The following ABTB2 variants were observed in gnomAD, a reference collection of about 807,000 sequenced individuals.
ABTB2 encodes the protein ankyrin repeat and BTB domain containing 2.
A neutral mutation model predicts 104.1 loss-of-function variants in ABTB2; 56 were observed. The ratio of observed to expected loss-of-function variants is 0.54; its 90% CI spans 0.43 to 0.67. The LOEUF (loss-of-function observed/expected upper bound fraction) is 0.67, where lower values mean the gene tolerates loss of function less well. Among genes scored for constraint, ABTB2 ranks in the 30% least tolerant of loss-of-function variants. ABTB2 has a pLI of 0.00. For missense variants in ABTB2, 1,279 were observed against 1,407.7 expected (o/e 0.91, Z 1.46); for synonymous variants, 606 against 608.2 (o/e 1.00, Z 0.05).
intron 1 of ABTB2, among the ~76,000 whole-genome samples, chr11:34,298,279 T>C (rs760558773): frequency 1.3e-5 from 2 of 151,974 alleles, no homozygotes; most frequent in South Asian, 2.1e-4. Context: ...CCACATTTCA[T>C]TGCCAATTAC....
intron 11 of ABTB2, among the ~76,000 whole-genome samples, chr11:34,160,672 T>C (rs1852701148): frequency 1.5e-5 from 1 of 67,964 alleles, no homozygotes; most frequent in Non-Finnish European, 2.6e-5. Context: ...CGCGCGCGTG[T>C]GTGTGTGTAT....
In ABTB2 at chr11:34,357,878, G is replaced by C. The variant is rs1423546082; in HGVS notation, c.-295C>G. 1 of 367,916 alleles carries C rather than the reference G, an allele frequency of 2.7e-6. No homozygotes were observed. Among genetic ancestry groups the C allele is most frequent in the Non-Finnish European group, 4.9e-6 (1 of 204,044 alleles). 22.8% of individuals were successfully genotyped at this position (367,916 alleles called of 1,614,324 possible). ...CACCTCTAATTCCCACAAGCAGAGAGTCAGTCCTCCACAGAGAAGGAATCC... is the reference window on the plus strand; with the variant it reads ...CACCTCTAATTCCCACAAGCAGAGACTCAGTCCTCCACAGAGAAGGAATCC... On this transcript the variant is annotated 5_prime_UTR_variant, in exon 1 of 17. Transcript: ENST00000435224.
chr11:34,208,172 TC>T (rs1417116045), intron 1 of ABTB2, among the ~76,000 whole-genome samples: 1 of 152,186 alleles, frequency 6.6e-6, no homozygotes, highest in African/African-American at 2.4e-5. Flanking sequence ...CTCGATGTGT[TC>T]CTTTCCCCAC....
chr11:34,214,880 T>C (rs1403398453), intron 1 of ABTB2, among the ~76,000 whole-genome samples: 2 of 152,192 alleles, frequency 1.3e-5, no homozygotes, highest in African/African-American at 4.8e-5. Context: ...AAAACCTGGT[T>C]GTTTTATAGA....
intron 1 of ABTB2, among the ~76,000 whole-genome samples, chr11:34,297,795 G>GCAAA (rs1564926786): frequency 1.7e-5 from 1 of 59,702 alleles, no homozygotes; most frequent in African/African-American, 1.1e-4. Flanking sequence ...TAAAAATAAA[G>GCAAA]GAAAGAAAAA....
chr11:34,282,440 A>C (rs61117445), intron 1 of ABTB2, among the ~76,000 whole-genome samples: 7,079 of 152,270 alleles, frequency 0.046, 484 homozygotes, highest in African/African-American at 0.15. Flanking sequence ...ACACTTTTGT[A>C]AAGAAAATAT....
At chr11:34,273,432 A>C (rs1420184495) in intron 1 of ABTB2, among the ~76,000 whole-genome samples, 3 of 152,170 alleles carry the variant, frequency 2.0e-5, no homozygotes, top group Non-Finnish European at 4.4e-5. Context: ...GTAAGCTGGC[A>C]GGGGATGCAG....
intron 1 of ABTB2, among the ~76,000 whole-genome samples, chr11:34,214,532 CTTTT>C (rs5790978): frequency 8.1e-6 from 1 of 123,146 alleles, no homozygotes; most frequent in African/African-American, 2.9e-5. Flanking sequence ...AAAAATACCA[CTTTT>C]TTTTTTTTTT....
chr11:34,291,806 ATT>A (rs769141691), intron 1 of ABTB2, among the ~76,000 whole-genome samples: 5 of 151,834 alleles, frequency 3.3e-5, no homozygotes, highest in Non-Finnish European at 7.4e-5. Context: ...TGATATGTTT[ATT>A]TTTTTAATTT....
intron 3 of ABTB2, among the ~76,000 whole-genome samples, chr11:34,174,562 C>G (rs968276594): frequency 6.6e-6 from 1 of 152,248 alleles, no homozygotes; most frequent in Non-Finnish European, 1.5e-5. Context: ...AGGCCGCGCC[C>G]GCCCCTGCCC....
At chr11:34,304,250 A>G (rs1352282937) in intron 1 of ABTB2, among the ~76,000 whole-genome samples, 1 of 152,210 alleles carries the variant, frequency 6.6e-6, no homozygotes, top group Admixed American at 6.5e-5. Flanking sequence ...CTCTGTGGAT[A>G]AAAGATTATT....
intron 1 of ABTB2, among the ~76,000 whole-genome samples, chr11:34,269,597 C>A (rs1199571834): frequency 1.3e-5 from 2 of 152,244 alleles, no homozygotes; most frequent in African/African-American, 4.8e-5. Context: ...AGACAACTTG[C>A]AACCAAATGG....
At chr11:34,155,873 G>T (rs543020901) in intron 14 of ABTB2, among the ~76,000 whole-genome samples, 1 of 152,356 alleles carries the variant, frequency 6.6e-6, no homozygotes, top group South Asian at 2.1e-4. Context: ...CAGATAGTGT[G>T]TGCCTTGGGC....
rs1554982287 is a variant in ABTB2 at position 34,195,075 on chromosome 11, C to CCGGGGGG, written c.1244+2249_1244+2250insCCCCCCG. Among the ~76,000 whole-genome samples the CCGGGGGG allele has an allele frequency of 7.2e-4, 13 of 18,070 alleles. 1 individual carries two copies. The highest frequency in any genetic ancestry group is 4.0e-3 in the South Asian group (2 of 496). The allele number at this position is 18,070 out of a possible 152,430, so 11.9% of individuals were successfully genotyped here. A position where few individuals can be genotyped will look rare whatever the true frequency, so the allele number is the denominator to read the frequency against. On this transcript the variant is annotated intron_variant, in intron 3 of 16. Coordinates refer to ENST00000435224, the MANE Select transcript of ABTB2 (RefSeq NM_145804.3). ...CACAGGACATGACAAAGATGCCCGGCGGGGGGGGGGAGTGGGGGCGGGAGA... is the reference window on the plus strand; with the variant it reads ...CACAGGACATGACAAAGATGCCCGGCCGGGGGGGGGGGGGGGGAGTGGGGGCGGGAGA...
intron 1 of ABTB2, among the ~76,000 whole-genome samples, chr11:34,219,856 A>T (rs1853596359): frequency 6.6e-6 from 1 of 152,210 alleles, no homozygotes. Flanking sequence ...TCATTAAGCA[A>T]TGCATGGCTG....
chr11:34,214,532 CTTTTTTTTTTTT>C (rs5790978), intron 1 of ABTB2, among the ~76,000 whole-genome samples: 1 of 123,146 alleles, frequency 8.1e-6, no homozygotes, highest in African/African-American at 2.9e-5. Flanking sequence ...AAAAATACCA[CTTTTTTTTTTTT>C]TTTTTTTTTT....
chr11:34,315,148 C>T (rs1039811416), intron 1 of ABTB2, among the ~76,000 whole-genome samples: 2 of 152,320 alleles, frequency 1.3e-5, no homozygotes, highest in South Asian at 2.1e-4. Flanking sequence ...CATGAGGCCA[C>T]GTGAGCGCAG....
At chr11:34,288,633 G>A (rs959037785) in intron 1 of ABTB2, among the ~76,000 whole-genome samples, 3 of 152,164 alleles carry the variant, frequency 2.0e-5, no homozygotes, top group East Asian at 1.9e-4. Flanking sequence ...GGGTAGGGGC[G>A]GGAGGGGGTA....
At chr11:34,302,166 A>G (rs1854714665) in intron 1 of ABTB2, among the ~76,000 whole-genome samples, 1 of 152,248 alleles carries the variant, frequency 6.6e-6, no homozygotes, top group South Asian at 2.1e-4. Flanking sequence ...GGACCACAGT[A>G]CAGCTACAGT....
Sources: allele counts gnomAD v4.1 joint callset (sites outside exome capture counted in the v4.1 genomes callset), GRCh38; gene constraint gnomAD v4.1.1; transcripts MANE v1.5; gene names NCBI Gene and HGNC (gene_info 2026-07-23, HGNC 2026-07-21).